UNC80: variants seen among roughly 807,000 people sequenced by gnomAD.
UNC80 encodes the protein protein unc-80 homolog.
A neutral mutation model predicts 384.6 loss-of-function variants in UNC80; 164 were observed. The observed-to-expected ratio is 0.43, with a 90% confidence interval of 0.38 to 0.49. The LOEUF (loss-of-function observed/expected upper bound fraction) is 0.49. Among genes scored for constraint, UNC80 ranks in the 20% least tolerant of loss-of-function variants. The pLI, the probability that UNC80 is intolerant of heterozygous loss-of-function variation, is 0.00. For missense variants in UNC80, 3,330 were observed against 4,143.0 expected (o/e 0.80, Z 5.39); for synonymous variants, 1,486 against 1,527.8 (o/e 0.97, Z 0.64).
intron 33 of UNC80, among the ~76,000 whole-genome samples, chr2:209,920,796 T>C (rs182871240): frequency 6.6e-6 from 1 of 152,142 alleles, no homozygotes; most frequent in South Asian, 2.1e-4. Flanking sequence ...ATTCTGACTT[T>C]CAATTTTATT....
intron 13 of UNC80, among the ~76,000 whole-genome samples, chr2:209,820,917 G>A (rs996185967): frequency 6.6e-6 from 1 of 152,160 alleles, no homozygotes; most frequent in Non-Finnish European, 1.5e-5. Context: ...TAATTCTCTA[G>A]TCGTTATTTC....
chr2:209,813,978 T>C, intron 8 of UNC80, 137 bp downstream of exon 8: 3 of 1,120,430 alleles, frequency 2.7e-6, no homozygotes, highest in Non-Finnish European at 3.7e-6. Flanking sequence ...CTATTATCTT[T>C]TCCCTTCCAT....
intron 52 of UNC80, chr2:209,969,253 A>G (rs979473871): frequency 6.5e-6 from 1 of 153,236 alleles, no homozygotes; most frequent in South Asian, 2.1e-4. Flanking sequence ...CAAAAAATAC[A>G]TATCATGTCT....
chr2:209,945,898 A>T lies in UNC80; in HGVS notation c.7241A>T (p.Lys2414Met). Reference protein sequence around the residue: ...DLTFSISEAIKLCVTVVAYAP... With the variant: ...DLTFSISEAIMLCVTVVAYAP... Reference sequence around the variant, plus strand: ...ACATTTTCTATCAGTGAAGCCATTAAGCTCTGTGTCACTGTGGTGGCGTAT... The same window carrying T: ...ACATTTTCTATCAGTGAAGCCATTATGCTCTGTGTCACTGTGGTGGCGTAT... Residue 2414 changes from lysine to methionine, a missense_variant, in exon 47 of 65, where the codon AAG becomes ATG. Lys to Met is a moderately conservative substitution (Grantham distance 95). Transcript: ENST00000673920. The T allele has an allele frequency of 1.9e-6, 3 of 1,552,088 alleles. No individual in the cohort carries two copies. The highest frequency in any genetic ancestry group is 2.6e-6 in the Non-Finnish European group (3 of 1,147,018).
intron 21 of UNC80, among the ~76,000 whole-genome samples, chr2:209,849,182 G>C (rs2082354548): frequency 6.6e-6 from 1 of 152,094 alleles, no homozygotes; most frequent in South Asian, 2.1e-4. Flanking sequence ...GTATTCAAAA[G>C]AAGACCTGCA....
In UNC80 at chr2:209,967,639, T is replaced by C; in HGVS notation, c.8006+2T>C. 6.4e-7 allele frequency: 1 copy of C among 1,551,196 alleles called. No homozygotes were observed. Among genetic ancestry groups the C allele is most frequent in the Non-Finnish European group, 8.7e-7 (1 of 1,146,630 alleles). On this transcript the variant is annotated splice_donor_variant, in intron 52 of 64. Transcript: ENST00000673920. LOFTEE classifies it high-confidence loss of function. The stretch of plus-strand genomic sequence containing the variant: ...AATTCATAAGATGCCTACTTTGAGG[T>C]GAGAATGCCTCCGAGTTAGCTGTTG...
intron 35 of UNC80, among the ~76,000 whole-genome samples, chr2:209,923,415 T>C (rs2090189930): frequency 6.6e-6 from 1 of 152,182 alleles, no homozygotes; most frequent in African/African-American, 2.4e-5. Flanking sequence ...ATGTTATGAG[T>C]TAGAATTTTG....
chr2:209,977,609 G>T (rs1026596618), intron 58 of UNC80, among the ~76,000 whole-genome samples: 5 of 152,176 alleles, frequency 3.3e-5, no homozygotes, highest in Non-Finnish European at 7.4e-5. Context: ...AGTGATTATT[G>T]TAAGGGGATT....
intron 61 of UNC80, among the ~76,000 whole-genome samples, chr2:209,989,324 CA>C (rs5838190): frequency 0.47 from 66,104 of 140,728 alleles, 14,723 homozygotes; most frequent in East Asian, 0.51. Context: ...GACTCTGTCT[CA>C]AAAAAAAAAA....
intron 61 of UNC80, among the ~76,000 whole-genome samples, chr2:209,986,803 A>G (rs1232780134): frequency 1.3e-5 from 2 of 152,224 alleles, no homozygotes; most frequent in Admixed American, 6.5e-5. Flanking sequence ...TGCAAATTGT[A>G]TCTCTTGAAC....
intron 29 of UNC80, among the ~76,000 whole-genome samples, chr2:209,906,141 T>G (rs1169383802): frequency 1.3e-5 from 2 of 151,578 alleles, no homozygotes; most frequent in Non-Finnish European, 2.9e-5. Flanking sequence ...GGGGAGGGGG[T>G]AAGAGATAAT....
intron 22 of UNC80, among the ~76,000 whole-genome samples, chr2:209,861,415 T>A (rs1042232241): frequency 2.1e-4 from 32 of 152,226 alleles, no homozygotes; most frequent in African/African-American, 7.5e-4. Context: ...TCGTGATGGA[T>A]AAGTTTTTTG....
At chr2:209,774,919 A>T (rs1574390283) in intron 2 of UNC80, among the ~76,000 whole-genome samples, 1 of 152,166 alleles carries the variant, frequency 6.6e-6, no homozygotes, top group Non-Finnish European at 1.5e-5. Context: ...CCATATTAGG[A>T]TACCTGTCTT....
Position 209,817,882 on chromosome 2 carries a change from C to T in UNC80, c.1623C>T (p.His541=). The change falls in exon 11 of 65, where the codon CAC becomes CAT. Residue 541 remains histidine (H), a synonymous_variant. Coordinates refer to ENST00000673920, the MANE Select transcript of UNC80 (RefSeq NM_001371986.1). ...AGAGTCTGAGCGCCAGGCATTCCCA[C>T]TCCCATCACACCCTGGTAAGCGACC... ...EMESLSARHS[H]SHHTLVSDLP... is the part of the protein sequence containing the mutation. 2.6e-6 allele frequency: 4 copies of T among 1,551,686 alleles called. No individual in the cohort carries two copies. Among genetic ancestry groups the T allele is most frequent in the Non-Finnish European group, 3.5e-6 (4 of 1,147,004 alleles).
At chr2:209,780,114 A>G (rs2077073378) in intron 4 of UNC80, among the ~76,000 whole-genome samples, 1 of 152,196 alleles carries the variant, frequency 6.6e-6, no homozygotes, top group African/African-American at 2.4e-5. Flanking sequence ...TTGGTATTTT[A>G]TTGCTGCTGG....
Position 209,970,028 on chromosome 2 carries a change from A to T in UNC80, c.8130+137A>T. 12 of 1,106,682 alleles carry T rather than the reference A, an allele frequency of 1.1e-5. No homozygotes were observed. The South Asian group carries it at 1.8e-4, about 16-fold the overall frequency. 68.6% of individuals were successfully genotyped at this position (1,106,682 alleles called of 1,614,324 possible). On this transcript the variant is annotated intron_variant, in intron 53 of 64. Coordinates refer to ENST00000673920, the MANE Select transcript of UNC80 (RefSeq NM_001371986.1). ...AAAACAGACGGCTCAGGTGACACTG[A>T]AAATAGTGAGGTACATTTCAAGGTG...
chr2:209,919,579 A>T (rs897455931), intron 33 of UNC80, among the ~76,000 whole-genome samples: 2 of 152,226 alleles, frequency 1.3e-5, no homozygotes, highest in African/African-American at 4.8e-5. Context: ...TCTTTGAAAA[A>T]TTTAGTTGAA....
intron 39 of UNC80, among the ~76,000 whole-genome samples, chr2:209,934,429 G>A (rs992483765): frequency 6.6e-6 from 1 of 152,224 alleles, no homozygotes; most frequent in African/African-American, 2.4e-5. Context: ...AAAGCAGGAA[G>A]AAGGAGCATT....
chr2:209,936,779 C>T (rs2091277222), intron 40 of UNC80, 65 bp from the exon 41 acceptor site: 2 of 1,155,034 alleles, frequency 1.7e-6, no homozygotes, highest in Non-Finnish European at 2.5e-6. Flanking sequence ...TATCTGTCAC[C>T]TTACTACCTA....
Sources: gnomAD v4.1 joint callset for allele counts (sites outside exome capture counted in the v4.1 genomes callset) on GRCh38, gnomAD v4.1.1 for gene constraint, MANE v1.5 for transcripts, NCBI Gene and HGNC (gene_info 2026-07-23, HGNC 2026-07-21) for gene names.